Variants in JCAD observed in about 807,000 individuals in gnomAD.
JCAD encodes the protein junctional cadherin 5-associated protein.
Under a neutral mutation model 98.0 loss-of-function variants are expected in JCAD, and 40 were observed. The ratio of observed to expected loss-of-function variants is 0.41; its 90% CI spans 0.32 to 0.53. JCAD has a LOEUF of 0.53. JCAD is among the 20% of genes least tolerant of loss of function. The probability of loss-of-function intolerance (pLI) is 0.31; values close to 1 mark genes in which losing one functional copy is unlikely to be tolerated. For synonymous variants in JCAD, 691 were observed against 682.3 expected, an observed-to-expected ratio of 1.01 and a Z score of -0.20; for missense variants, 1,705 against 1,738.1, an observed-to-expected ratio of 0.98 and a Z score of 0.34.
At chr10:30,082,612 G>GA (rs1367528528) in intron 1 of JCAD, among the ~76,000 whole-genome samples, 1 of 151,986 alleles carries the variant, frequency 6.6e-6, no homozygotes, top group African/African-American at 2.4e-5. Context: ...AGCACTTTGG[G>GA]AGGCTGAGGC....
chr10:30,028,504 G>A lies in JCAD; in HGVS notation c.1644C>T (p.Gly548=), dbSNP rs559959712. The change falls in exon 3 of 4, where the codon GGC becomes GGT. Residue 548 remains glycine (G), a synonymous_variant. Coordinates refer to ENST00000375377, the MANE Select transcript of JCAD (RefSeq NM_020848.4). The part of the protein sequence containing the change: ...GRQVSSPYSQ[G]ESTCETQTKL... Reference sequence around the variant, plus strand: ...TGGTTTGAGTTTCGCAGGTGCTCTCGCCCTGTGAGTAAGGGGAGGAAACTT... The same window carrying A: ...TGGTTTGAGTTTCGCAGGTGCTCTCACCCTGTGAGTAAGGGGAGGAAACTT... 10 of 1,614,146 alleles carry A rather than the reference G, an allele frequency of 6.2e-6. No individual in the cohort carries two copies. The highest frequency in any genetic ancestry group is 5.3e-5 in the African/African-American group (4 of 75,018).
At chr10:30,106,846 C>T (rs1838593263) in intron 1 of JCAD, among the ~76,000 whole-genome samples, 1 of 152,124 alleles carries the variant, frequency 6.6e-6, no homozygotes, top group African/African-American at 2.4e-5. Context: ...TGCCCATTTC[C>T]CCATTTGATT....
At chr10:30,109,934 C>G (rs559056295) in intron 1 of JCAD, among the ~76,000 whole-genome samples, 10 of 151,800 alleles carry the variant, frequency 6.6e-5, no homozygotes, top group East Asian at 3.9e-4. Context: ...ATATGTAGAC[C>G]CCCCTGTGTA....
intron 1 of JCAD, among the ~76,000 whole-genome samples, chr10:30,106,547 C>T (rs1056889889): frequency 2.0e-5 from 3 of 152,198 alleles, no homozygotes; most frequent in Non-Finnish European, 4.4e-5. Flanking sequence ...GTCACCCAGG[C>T]TGGAGTGCAG....
At chr10:30,050,396 C>T (rs1837445341) in intron 1 of JCAD, among the ~76,000 whole-genome samples, 1 of 132,872 alleles carries the variant, frequency 7.5e-6, no homozygotes, top group Non-Finnish European at 1.6e-5. Flanking sequence ...CAGACTAGAA[C>T]AAAGTCCCCA....
rs773416377 is a variant in JCAD at position 30,026,637 on chromosome 10, G to C, written c.3511C>G (p.Gln1171Glu). The C allele has an allele frequency of 3.7e-6, 6 of 1,613,264 alleles. No homozygotes were observed. Among genetic ancestry groups the C allele is most frequent in the Non-Finnish European group, 4.2e-6 (5 of 1,180,036 alleles). ...GDRDSARRAP[Q>E]AFEHSDVDGV... is the part of the protein sequence containing the mutation. ...TCCACATCTGAGTGCTCAAAAGCCT[G>C]AGGAGCCCGCCTGGCACTGTCCCTG... Residue 1171 changes from glutamine (Q) to glutamate (E), a missense_variant, in exon 3 of 4, where the codon CAG becomes GAG. Around this residue, in one of 3 missense-constraint regions of JCAD, gnomAD observed 1,278 missense variants for 1,243.1 expected, o/e 1.03. Transcript: ENST00000375377.
intron 1 of JCAD, among the ~76,000 whole-genome samples, chr10:30,101,671 G>T (rs1477213404): frequency 6.6e-6 from 1 of 151,946 alleles, no homozygotes; most frequent in African/African-American, 2.4e-5. Context: ...CCCGGCTCAG[G>T]CTAACTTTAG....
At chr10:30,110,658 A>C (rs1395540695) in intron 1 of JCAD, among the ~76,000 whole-genome samples, 1 of 151,168 alleles carries the variant, frequency 6.6e-6, no homozygotes, top group African/African-American at 2.4e-5. Context: ...GAACCAGCTG[A>C]TGTATGGGCC....
chr10:30,049,461 A>T (rs1267173976), intron 1 of JCAD, among the ~76,000 whole-genome samples: 1 of 152,190 alleles, frequency 6.6e-6, no homozygotes, highest in Non-Finnish European at 1.5e-5. Context: ...CACCTGCTAG[A>T]TTACAGTAGG....
intron 1 of JCAD, among the ~76,000 whole-genome samples, chr10:30,054,533 TG>T (rs1402115123): frequency 6.6e-6 from 1 of 151,796 alleles, no homozygotes; most frequent in Non-Finnish European, 1.5e-5. Flanking sequence ...ATAACAATAT[TG>T]TTTCATCACC....
At chr10:30,029,936 T>G in intron 2 of JCAD, 70 bp from the exon 3 acceptor site, 1 of 1,486,698 alleles carries the variant, frequency 6.7e-7, no homozygotes, top group South Asian at 1.3e-5. Flanking sequence ...GTGACTGGCA[T>G]TCGAAGTCAA....
At chr10:30,036,425 G>C (rs980154565) in intron 2 of JCAD, among the ~76,000 whole-genome samples, 1 of 151,736 alleles carries the variant, frequency 6.6e-6, no homozygotes, top group African/African-American at 2.4e-5. Context: ...CTCCAGCCTG[G>C]GCAGTACAGA....
rs1475566817 is a variant in JCAD, at chr10:30,059,055, G to T, written c.-60+427C>A. 3.9e-5 allele frequency among the ~76,000 whole-genome samples: 6 copies of T among 152,108 alleles called. No homozygotes were observed. The highest frequency in any genetic ancestry group is 1.4e-4 in the African/African-American group (6 of 41,436). The stretch of plus-strand genomic sequence containing the variant: ...AGGTCCGCGAGATCTGGGCGCGAGG[G>T]CGCGGGAGGGGTTGGTGGACACAGG... On this transcript the variant is annotated intron_variant, in intron 1 of 3. Coordinates refer to ENST00000375377, the MANE Select transcript of JCAD (RefSeq NM_020848.4). This position sits in a 1 kb window ranked among gnomAD's most constrained non-coding sequence, Gnocchi z 5.0.
upstream of JCAD, among the ~76,000 whole-genome samples, chr10:30,063,688 T>A (rs1458075717): frequency 1.3e-5 from 2 of 152,260 alleles, no homozygotes; most frequent in African/African-American, 4.8e-5. Flanking sequence ...TTGATGCTTG[T>A]ATACATTCTG....
chr10:30,039,780 C>T (rs1183799670), intron 2 of JCAD, among the ~76,000 whole-genome samples: 1 of 152,052 alleles, frequency 6.6e-6, no homozygotes, highest in Non-Finnish European at 1.5e-5. Flanking sequence ...ACTGGAGGGG[C>T]GGCGTGGGTT....
chr10:30,017,343 T>G lies in JCAD; in HGVS notation c.*540A>C, dbSNP rs1044926654. ...CAAGTTACTTATAAGTAAAGTTACT[T>G]CCAGCAGCAGAAGGCCAAATTGATT... On this transcript the variant is annotated 3_prime_UTR_variant, in exon 4 of 4. Transcript: ENST00000375377. 1.3e-5 allele frequency: 2 copies of G among 154,316 alleles called. No individual in the cohort carries two copies. Among genetic ancestry groups the G allele is most frequent in the African/African-American group, 4.8e-5 (2 of 41,466 alleles). The allele number at this position is 154,316 out of a possible 1,614,324, so 9.6% of individuals were successfully genotyped here.
rs567776230 is a variant in JCAD at position 30,051,272 on chromosome 10, G to A, written c.-59-3401C>T. Among the ~76,000 whole-genome samples the A allele has an allele frequency of 1.6e-3, 193 of 121,812 alleles. 1 individual carries two copies. Among genetic ancestry groups the A allele is most frequent in the African/African-American group, 5.4e-3 (173 of 31,994 alleles). 79.9% of individuals were successfully genotyped at this position (121,812 alleles called of 152,430 possible). A position where few individuals can be genotyped will look rare whatever the true frequency, so the allele number is the denominator to read the frequency against. The stretch of plus-strand genomic sequence containing the variant: ...TCACACACCACACGCACACACGCAC[G>A]CACACACGCACGCACACACACACAC... On this transcript the variant is annotated intron_variant, in intron 1 of 3. Transcript: ENST00000375377.
intron 3 of JCAD, among the ~76,000 whole-genome samples, chr10:30,018,676 G>A (rs1035466370): frequency 2.0e-5 from 3 of 152,176 alleles, no homozygotes; most frequent in Admixed American, 6.5e-5. Flanking sequence ...GTGCTGCCAA[G>A]TCCCACAACC....
chr10:30,096,578 T>C (rs1838372225), intron 1 of JCAD, among the ~76,000 whole-genome samples: 1 of 152,062 alleles, frequency 6.6e-6, no homozygotes, highest in Admixed American at 6.6e-5. Context: ...TATTCTGAGT[T>C]CAGAACATAG....
Sources: gnomAD v4.1 joint callset for allele counts (sites outside exome capture counted in the v4.1 genomes callset) on GRCh38, gnomAD v4.1.1 for gene constraint, gnomAD v4.1.1 regional missense constraint, Gnocchi (gnomAD v3.1) non-coding constraint, MANE v1.5 for transcripts, NCBI Gene and HGNC (gene_info 2026-07-23, HGNC 2026-07-21) for gene names.